Variants in SLC67A1 observed in about 807,000 individuals in gnomAD.
The protein encoded by SLC67A1 is solute carrier family 67 member 1.
At chr11:2,903,525 A>G in the SLC67A1 span, 41 of 1,608,996 alleles carry the variant, frequency 2.5e-5, 1 homozygote, top group Non-Finnish European at 3.5e-5. Flanking sequence ...AGCCCCAGCC[A>G]GGGCTGAACC....
chr11:2,918,609 T>C, the SLC67A1 span, among the ~76,000 whole-genome samples: 17 of 152,136 alleles, frequency 1.1e-4, no homozygotes, highest in African/African-American at 4.1e-4. Context: ...CCCTCAGCAC[T>C]CCAACTGGCA....
chr11:2,918,476 T>C, the SLC67A1 span, among the ~76,000 whole-genome samples: 1 of 152,170 alleles, frequency 6.6e-6, no homozygotes, highest in African/African-American at 2.4e-5. Context: ...CAGCAGACCG[T>C]AGGGCGTCAC....
At chr11:2,922,210 G>C in the SLC67A1 span, 5 of 1,610,764 alleles carry the variant, frequency 3.1e-6, no homozygotes, top group South Asian at 1.1e-5. Context: ...CATGGTGAGG[G>C]CTCCCCGCTT....
the SLC67A1 span, chr11:2,908,341 T>C: frequency 6.2e-7 from 1 of 1,601,460 alleles, no homozygotes; most frequent in Non-Finnish European, 8.5e-7. Flanking sequence ...GTACAGTGTG[T>C]GTGTGTACAG....
chr11:2,908,468 G>A, the SLC67A1 span: 10 of 621,922 alleles, frequency 1.6e-5, no homozygotes, highest in Admixed American at 3.3e-5. Flanking sequence ...GTCACAGGCC[G>A]ATGGGGGTGC....
the SLC67A1 span, chr11:2,909,346 C>T: frequency 6.7e-7 from 1 of 1,493,870 alleles, no homozygotes; most frequent in South Asian, 1.2e-5. Context: ...CGCTCATGCA[C>T]ACGCTGCCAG....
chr11:2,915,098 A>T, the SLC67A1 span: 1 of 985,222 alleles, frequency 1.0e-6, no homozygotes, highest in African/African-American at 1.7e-5. Context: ...GGTGGGGTGG[A>T]TATGCCAGCA....
At chr11:2,905,313 G>A in the SLC67A1 span, among the ~76,000 whole-genome samples, 3 of 152,162 alleles carry the variant, frequency 2.0e-5, no homozygotes, top group Non-Finnish European at 4.4e-5. Flanking sequence ...GCAGACCATC[G>A]TGGAGGAGGG....
chr11:2,905,682 G>A, the SLC67A1 span, among the ~76,000 whole-genome samples: 1 of 152,200 alleles, frequency 6.6e-6, no homozygotes, highest in Non-Finnish European at 1.5e-5. Context: ...GGCCTGCTCC[G>A]AGGGCTGGGA....
chr11:2,918,191 T>C, the SLC67A1 span: 1 of 884,562 alleles, frequency 1.1e-6, no homozygotes, highest in Non-Finnish European at 1.8e-6. Flanking sequence ...GCCCCACAGG[T>C]CCACACAGAT....
chr11:2,912,491 G>A, the SLC67A1 span, among the ~76,000 whole-genome samples: 2 of 152,222 alleles, frequency 1.3e-5, no homozygotes, highest in African/African-American at 2.4e-5. Flanking sequence ...GATGGAAACC[G>A]AGGCACAACA....
chr11:2,916,316 G>A, the SLC67A1 span: 1 of 361,786 alleles, frequency 2.8e-6, no homozygotes, highest in Non-Finnish European at 5.0e-6. Context: ...GTTCCTGGGA[G>A]GATCCGCCAC....
At chr11:2,917,393 AG>A in the SLC67A1 span, among the ~76,000 whole-genome samples, 70 of 151,984 alleles carry the variant, frequency 4.6e-4, no homozygotes, top group Non-Finnish European at 7.9e-4. Flanking sequence ...GTCCAGGGGG[AG>A]GGCCGGGTGG....
At chr11:2,914,225 C>A in the SLC67A1 span, among the ~76,000 whole-genome samples, 4 of 152,224 alleles carry the variant, frequency 2.6e-5, no homozygotes, top group Non-Finnish European at 4.4e-5. Context: ...CCTGTCCCCA[C>A]CTTCCTGGTC....
chr11:2,922,055 C>A, the SLC67A1 span: 57 of 1,419,836 alleles, frequency 4.0e-5, no homozygotes, highest in Non-Finnish European at 5.4e-5. Context: ...AGACGCCCCT[C>A]CCTCGCCTCC....
At chr11:2,909,356 G>T in the SLC67A1 span, 1 of 1,376,628 alleles carries the variant, frequency 7.3e-7, no homozygotes, top group Non-Finnish European at 9.3e-7. Context: ...CACGCTGCCA[G>T]GTAGGGCCGG....
chr11:2,914,265 G>A, the SLC67A1 span, among the ~76,000 whole-genome samples: 1 of 152,206 alleles, frequency 6.6e-6, no homozygotes, highest in African/African-American at 2.4e-5. Flanking sequence ...TGTTGGATGA[G>A]CCCCGGGAAG....
At chr11:2,921,873 G>A in the SLC67A1 span, 8 of 570,784 alleles carry the variant, frequency 1.4e-5, no homozygotes, top group East Asian at 2.8e-5. Flanking sequence ...CTCCCTTGTG[G>A]AGAGGAGCCC....
the SLC67A1 span, chr11:2,920,221 T>C: frequency 7.2e-5 from 11 of 152,176 alleles, no homozygotes; most frequent in Admixed American, 2.6e-4. Context: ...AGTGCTAAAA[T>C]AGCTGCTCCT....
Sources: allele counts gnomAD v4.1 joint callset (sites outside exome capture counted in the v4.1 genomes callset), GRCh38; gene constraint gnomAD v4.1.1; transcripts MANE v1.5; gene names NCBI Gene and HGNC (gene_info 2026-07-23, HGNC 2026-07-21).